Variants in GRM7 observed in about 807,000 individuals in gnomAD.
GRM7 encodes metabotropic glutamate receptor 7.
Under a neutral mutation model 84.5 loss-of-function variants are expected in GRM7, and 35 were observed. The observed-to-expected ratio is 0.41, with a 90% CI of 0.32 to 0.55. The LOEUF (loss-of-function observed/expected upper bound fraction) is 0.55, where lower values mean the gene tolerates loss of function less well. GRM7 is among the 20% of genes least tolerant of loss of function. The probability of loss-of-function intolerance (pLI) is 0.19; values close to 1 mark genes in which losing one functional copy is unlikely to be tolerated. For synonymous variants in GRM7, 487 were observed against 455.1 expected (o/e 1.07, Z -0.89); for missense variants, 1,003 against 1,194.6 (o/e 0.84, Z 2.36).
At chr3:7,079,950 G>A (rs1698224595) in intron 1 of GRM7, among the ~76,000 whole-genome samples, 1 of 152,150 alleles carries the variant, frequency 6.6e-6, no homozygotes, top group African/African-American at 2.4e-5. Flanking sequence ...TGATGCCAGA[G>A]TTTGCTTAAT....
intron 4 of GRM7, among the ~76,000 whole-genome samples, chr3:7,347,697 T>G (rs754868232): frequency 5.9e-5 from 9 of 152,144 alleles, no homozygotes; most frequent in Non-Finnish European, 1.3e-4. Context: ...TTAAAAACAA[T>G]GCAAAAACTT....
At chr3:7,160,244 A>T (rs1694582530) in intron 2 of GRM7, among the ~76,000 whole-genome samples, 1 of 152,122 alleles carries the variant, frequency 6.6e-6, no homozygotes, top group Non-Finnish European at 1.5e-5. Context: ...TGAAGTACTA[A>T]CAGCCAGGCT....
At chr3:7,616,550 C>G (rs1697088578) in intron 8 of GRM7, among the ~76,000 whole-genome samples, 1 of 152,154 alleles carries the variant, frequency 6.6e-6, no homozygotes, top group South Asian at 2.1e-4. Flanking sequence ...ACACACTGAG[C>G]TTTCCTGCTA....
intron 7 of GRM7, among the ~76,000 whole-genome samples, chr3:7,483,765 A>G (rs1699219575): frequency 6.6e-6 from 1 of 151,974 alleles, no homozygotes; most frequent in South Asian, 2.1e-4. Flanking sequence ...ATATAGATAG[A>G]TATGATTATG....
chr3:7,265,067 C>T (rs558024862), intron 2 of GRM7, among the ~76,000 whole-genome samples: 1 of 152,358 alleles, frequency 6.6e-6, no homozygotes, highest in South Asian at 2.1e-4. Context: ...GGCACATTTT[C>T]TGTGCAAAGA....
intron 2 of GRM7, among the ~76,000 whole-genome samples, chr3:7,174,917 T>C (rs1045099044): frequency 1.4e-4 from 22 of 152,176 alleles, no homozygotes; most frequent in African/African-American, 5.3e-4. Context: ...TTCAGTAAAA[T>C]GAGAATGACA....
chr3:7,026,713 C>A lies in GRM7; in HGVS notation c.520-119739C>A, dbSNP rs548296450. Among the ~76,000 whole-genome samples, 4 of 152,304 alleles carry A rather than the reference C, an allele frequency of 2.6e-5. No homozygotes were observed. The East Asian group carries it at 7.7e-4, about 29-fold the overall frequency. ...CTCAATTCTTCTCCAGTCTTAGGTT[C>A]TCTCTTACTCTTCACTCTGCTAGTG... On this transcript the variant is annotated intron_variant, in intron 1 of 9. Coordinates refer to ENST00000357716, the MANE Select transcript of GRM7 (RefSeq NM_000844.4).
chr3:7,312,448 A>G (rs1424017247), intron 4 of GRM7, among the ~76,000 whole-genome samples: 1 of 152,092 alleles, frequency 6.6e-6, no homozygotes, highest in Non-Finnish European at 1.5e-5. Flanking sequence ...ATACTGCAAG[A>G]GCCATGTGGG....
intron 5 of GRM7, among the ~76,000 whole-genome samples, chr3:7,429,772 T>C (rs997669966): frequency 6.6e-6 from 1 of 152,220 alleles, no homozygotes; most frequent in Non-Finnish European, 1.5e-5. Context: ...TACATAGAAG[T>C]GGCATCTCCC....
At chr3:7,680,420 G>A (rs1700319725) in intron 9 of GRM7, 125 bp downstream of exon 9, 3 of 921,172 alleles carry the variant, frequency 3.3e-6, no homozygotes, top group African/African-American at 3.3e-5. Context: ...GGGTTGCCTT[G>A]GTGAATGCCA....
chr3:7,208,704 A>C (rs2124839174), intron 2 of GRM7, among the ~76,000 whole-genome samples: 1 of 152,300 alleles, frequency 6.6e-6, no homozygotes, highest in Non-Finnish European at 1.5e-5. Flanking sequence ...ATCTGATTGT[A>C]GTTCCATAAA....
rs573763516 is a variant in GRM7 at position 7,265,173 on chromosome 3, A to G, written c.737-33511A>G. Among the ~76,000 whole-genome samples, 4 of 152,318 alleles carry G rather than the reference A, an allele frequency of 2.6e-5. No individual in the cohort carries two copies. In the East Asian group the frequency reaches 7.7e-4, roughly 29 times the overall value. Reference sequence around the variant, plus strand: ...GGTTTCAGAAATGATATAGCCCAACAACCTCCCTACTTCCATCTAATGTTC... The same window carrying G: ...GGTTTCAGAAATGATATAGCCCAACGACCTCCCTACTTCCATCTAATGTTC... On this transcript the variant is annotated intron_variant, in intron 2 of 9. Coordinates refer to ENST00000357716, the MANE Select transcript of GRM7 (RefSeq NM_000844.4).
chr3:7,217,421 G>A (rs556106206), intron 2 of GRM7, among the ~76,000 whole-genome samples: 57 of 151,938 alleles, frequency 3.8e-4, no homozygotes, highest in Non-Finnish European at 7.6e-4. Context: ...GTCTCACTAC[G>A]GACTTTTAAA....
intron 9 of GRM7, among the ~76,000 whole-genome samples, chr3:7,719,192 C>T (rs1177430866): frequency 6.6e-6 from 1 of 152,102 alleles, no homozygotes; most frequent in Non-Finnish European, 1.5e-5. Flanking sequence ...CCCTGCTTGT[C>T]CTAGACAGCC....
intron 1 of GRM7, among the ~76,000 whole-genome samples, chr3:6,956,172 T>C (rs2125075558): frequency 6.6e-6 from 1 of 152,270 alleles, no homozygotes; most frequent in South Asian, 2.1e-4. Flanking sequence ...GGAAAATAAC[T>C]CTCTAAGGCA....
chr3:6,950,295 G>T (rs1156975020), intron 1 of GRM7, among the ~76,000 whole-genome samples: 1 of 152,192 alleles, frequency 6.6e-6, no homozygotes, highest in Non-Finnish European at 1.5e-5. Flanking sequence ...TCAGCTGCAG[G>T]TCTGTTGGAG....
At chr3:7,599,599 G>A (rs991471652) in intron 8 of GRM7, among the ~76,000 whole-genome samples, 1 of 152,130 alleles carries the variant, frequency 6.6e-6, no homozygotes, top group Non-Finnish European at 1.5e-5. Flanking sequence ...AAACAAAGAT[G>A]TCCACTCTAT....
intron 2 of GRM7, among the ~76,000 whole-genome samples, chr3:7,180,070 G>A (rs1421790362): frequency 1.3e-5 from 2 of 152,082 alleles, no homozygotes; most frequent in Non-Finnish European, 2.9e-5. Context: ...TCTTTTATTA[G>A]CATCTGACTT....
At chr3:7,667,106 A>G (rs923598494) in intron 8 of GRM7, among the ~76,000 whole-genome samples, 2 of 152,082 alleles carry the variant, frequency 1.3e-5, no homozygotes, top group Admixed American at 1.3e-4. Flanking sequence ...CTCTACAAAA[A>G]ACAAACAAAA....
Sources: gnomAD v4.1 joint callset for allele counts (sites outside exome capture counted in the v4.1 genomes callset) on GRCh38, gnomAD v4.1.1 for gene constraint, MANE v1.5 for transcripts, NCBI Gene and HGNC (gene_info 2026-07-23, HGNC 2026-07-21) for gene names.